The following FGFRL1 variants were observed in gnomAD, a reference collection of about 807,000 sequenced individuals.
FGFRL1 encodes fibroblast growth factor receptor like 1.
Under a neutral mutation model 36.8 loss-of-function variants are expected in FGFRL1, and 24 were observed. The observed-to-expected ratio is 0.65, with a 90% CI of 0.47 to 0.92. The LOEUF (loss-of-function observed/expected upper bound fraction) is 0.92, where lower values mean the gene tolerates loss of function less well. Ranked by LOEUF, FGFRL1 falls within the 40% of genes least tolerant of loss-of-function variation. FGFRL1 has a pLI of 0.00. For missense variants in FGFRL1, 785 were observed against 753.4 expected (o/e 1.04, Z -0.49); for synonymous variants, 422 against 344.1 (o/e 1.23, Z -2.50).
At position 1,025,552 on chromosome 4, in the gene FGFRL1, G is replaced by A. The variant is rs371059354; in HGVS notation, c.*205G>A. The A allele has an allele frequency of 4.3e-4, 278 of 651,812 alleles. 3 individuals are homozygous for A. Among genetic ancestry groups the A allele is most frequent in the East Asian group, 4.0e-3 (145 of 35,936 alleles). The allele number at this position is 651,812 out of a possible 1,614,324, so 40.4% of individuals were successfully genotyped here. A position where few individuals can be genotyped will look rare whatever the true frequency, so the allele number is the denominator to read the frequency against. ...TGGATGCATGTATGCACACACATGCGCGCACACGTGCTCCCTGAAGGCACA... is the reference window on the plus strand; with the variant it reads ...TGGATGCATGTATGCACACACATGCACGCACACGTGCTCCCTGAAGGCACA... On this transcript the variant is annotated 3_prime_UTR_variant, in exon 7 of 7. Coordinates refer to ENST00000510644, the MANE Select transcript of FGFRL1 (RefSeq NM_001004356.3).
intron 2 of FGFRL1, among the ~76,000 whole-genome samples, chr4:1,020,343 G>C (rs923432639): frequency 6.6e-6 from 1 of 152,130 alleles, no homozygotes; most frequent in African/African-American, 2.4e-5. Context: ...GCCTGCGGCC[G>C]CCTCTCCGAC....
intron 2 of FGFRL1, among the ~76,000 whole-genome samples, chr4:1,017,343 G>T (rs921615625): frequency 2.0e-5 from 3 of 152,300 alleles, no homozygotes; most frequent in African/African-American, 7.2e-5. Context: ...GCCGGTCAGG[G>T]TTGGGGTTGA....
intron 2 of FGFRL1, among the ~76,000 whole-genome samples, chr4:1,013,828 C>A (rs886229157): frequency 5.3e-5 from 8 of 152,282 alleles, no homozygotes; most frequent in African/African-American, 1.9e-4. Context: ...GCAGAGCCCG[C>A]CTCTTCGTGG....
intron 2 of FGFRL1, among the ~76,000 whole-genome samples, chr4:1,021,087 G>A (rs1716151173): frequency 1.1e-5 from 1 of 95,130 alleles, no homozygotes; most frequent in African/African-American, 4.2e-5. Flanking sequence ...GCAGGGAATG[G>A]GGGTGGGGTG....
intron 2 of FGFRL1, among the ~76,000 whole-genome samples, chr4:1,014,713 C>T (rs1393805284): frequency 6.6e-6 from 1 of 152,262 alleles, no homozygotes; most frequent in African/African-American, 2.4e-5. Flanking sequence ...TCCCTCGCCC[C>T]AGGCCCTTCC....
At position 1,024,078 on chromosome 4, in the gene FGFRL1, C is replaced by T; in HGVS notation, c.695C>T (p.Ala232Val). ...TCGAACCGCGCGGGCGCCATCAACG[C>T]CACCTACAAGGTGGATGTGATCCGT... Reference protein sequence around the residue: ...RVSNRAGAINATYKVDVIQRT... With the variant: ...RVSNRAGAINVTYKVDVIQRT... Residue 232 changes from alanine (A) to valine (V), a missense_variant, in exon 5 of 7, where the codon GCC becomes GTC. Coordinates refer to ENST00000510644, the MANE Select transcript of FGFRL1 (RefSeq NM_001004356.3). 6.3e-7 allele frequency: 1 copy of T among 1,597,252 alleles called. No homozygotes were observed. Among genetic ancestry groups the T allele is most frequent in the Non-Finnish European group, 8.5e-7 (1 of 1,174,758 alleles).
chr4:1,021,765 C>A (rs572574485), intron 2 of FGFRL1, among the ~76,000 whole-genome samples: 1 of 152,290 alleles, frequency 6.6e-6, no homozygotes, highest in South Asian at 2.1e-4. Context: ...CATCCCCCTA[C>A]TGCCCTTGTC....
chr4:1,021,423 C>T (rs148569571), intron 2 of FGFRL1, among the ~76,000 whole-genome samples: 27 of 152,176 alleles, frequency 1.8e-4, no homozygotes, highest in East Asian at 3.9e-4. Context: ...GCCCGAGCTA[C>T]GTCTCTCCAG....
Position 1,025,645 on chromosome 4 carries a change from A to G in FGFRL1, c.*298A>G, listed in dbSNP as rs561393016. ...ACAGATAAGCTGCCCAAATGCACGC[A>G]CACGCACAGAGACATGCCAGAACAT... On this transcript the variant is annotated 3_prime_UTR_variant, in exon 7 of 7. Coordinates refer to ENST00000510644, the MANE Select transcript of FGFRL1 (RefSeq NM_001004356.3). The G allele has an allele frequency of 4.3e-5, 22 of 510,908 alleles. No individual in the cohort carries two copies. In the East Asian group the frequency reaches 6.7e-4, roughly 16 times the overall value. The allele number at this position is 510,908 out of a possible 1,614,324, so 31.6% of individuals were successfully genotyped here.
chr4:1,017,627 G>A (rs913214185), intron 2 of FGFRL1, among the ~76,000 whole-genome samples: 1 of 152,216 alleles, frequency 6.6e-6, no homozygotes, highest in African/African-American at 2.4e-5. Context: ...GGTGCAGGGT[G>A]CACTGGAAAG....
rs564179880 is a variant in FGFRL1, at chr4:1,023,299, C to T, written c.353-342C>T. 1.3e-5 allele frequency among the ~76,000 whole-genome samples: 2 copies of T among 152,020 alleles called. No homozygotes were observed. The highest frequency in any genetic ancestry group is 4.8e-5 in the African/African-American group (2 of 41,476). On this transcript the variant is annotated intron_variant, in intron 3 of 6. Coordinates refer to ENST00000510644, the MANE Select transcript of FGFRL1 (RefSeq NM_001004356.3). The surrounding 1 kb of genome is among the most constrained non-coding windows in gnomAD (Gnocchi z 6.0). ...GGGTGGTATGAGAGTCTCGTCTGTTCACCAGCCCTCGGCCCCTTGATGTAG... is the reference window on the plus strand; with the variant it reads ...GGGTGGTATGAGAGTCTCGTCTGTTTACCAGCCCTCGGCCCCTTGATGTAG...
rs774577735 is a variant in FGFRL1 at position 1,023,755 on chromosome 4, G to A, written c.433+34G>A. ...GGGGTGACGGGGGTGGGGGGCGTCC[G>A]TCTGTCCCGGCCCCTTGGCTGCATC... On this transcript the variant is annotated intron_variant, in intron 4 of 6. Transcript: ENST00000510644. This position sits in a 1 kb window ranked among gnomAD's most constrained non-coding sequence, Gnocchi z 6.0. 1.7e-5 allele frequency: 27 copies of A among 1,550,252 alleles called. No individual in the cohort carries two copies. The highest frequency in any genetic ancestry group is 5.7e-5 in the Admixed American group (3 of 52,332).
chr4:1,024,748 C>T (rs1716411072), intron 6 of FGFRL1, 84 bp downstream of exon 6: 1 of 1,443,630 alleles, frequency 6.9e-7, no homozygotes, highest in African/African-American at 1.4e-5. Flanking sequence ...CGGGTGGGGC[C>T]CCACCCTTCC....
Position 1,023,613 on chromosome 4 carries a change from C to T in FGFRL1, c.353-28C>T, listed in dbSNP as rs775789603. 3.2e-6 allele frequency: 5 copies of T among 1,573,446 alleles called. No individual in the cohort carries two copies. The highest frequency in any genetic ancestry group is 1.8e-5 in the Admixed American group (1 of 54,206). On this transcript the variant is annotated intron_variant, in intron 3 of 6. Transcript: ENST00000510644. The surrounding 1 kb of genome is among the most constrained non-coding windows in gnomAD (Gnocchi z 6.0). Reference sequence around the variant, plus strand: ...CTCCTCAGGGCCCCCCTCACCTGCCCTCCCTGTGCACCTCCGTCTCTCTGC... The same window carrying T: ...CTCCTCAGGGCCCCCCTCACCTGCCTTCCCTGTGCACCTCCGTCTCTCTGC...
rs749511854 is a variant in FGFRL1, at chr4:1,025,268, A to C, written c.1436A>C (p.His479Pro). Residue 479 changes from histidine (H) to proline (P), a missense_variant, in exon 7 of 7, where the codon CAC (histidine) becomes CCC (proline). Coordinates refer to ENST00000510644, the MANE Select transcript of FGFRL1 (RefSeq NM_001004356.3). ...KLYPKLYTDI[H>P]THTHTHSHTH... ...TACCCCAAACTCTACACAGACATCC[A>C]CACACACACACACACACACTCTCAC... is the stretch of plus-strand genomic sequence containing the variant. 25 of 596,398 alleles carry C rather than the reference A, an allele frequency of 4.2e-5. No homozygotes were observed. The highest frequency in any genetic ancestry group is 5.7e-5 in the Non-Finnish European group (24 of 418,808). The allele number at this position is 596,398 out of a possible 1,614,324, so 36.9% of individuals were successfully genotyped here.
Position 1,025,266 on chromosome 4 carries a change from C to CCACACA in FGFRL1, c.1450_1455dup (p.Thr484_His485dup), listed in dbSNP as rs145808953. ...TGTACCCCAAACTCTACACAGACAT[C>CCACACA]CACACACACACACACACACACTCTC... On this transcript the variant is annotated inframe_insertion, in exon 7 of 7. Transcript: ENST00000510644. The CCACACA allele has an allele frequency of 1.3e-5, 18 of 1,438,948 alleles. No homozygotes were observed. In the South Asian group the frequency reaches 1.3e-4, roughly 11 times the overall value. 89.1% of individuals were successfully genotyped at this position (1,438,948 alleles called of 1,614,324 possible).
rs1716356935 is a variant in FGFRL1 at position 1,024,077 on chromosome 4, G to A, written c.694G>A (p.Ala232Thr). Residue 232 changes from alanine (A) to threonine (T), a missense_variant, in exon 5 of 7, where the codon GCC (alanine) becomes ACC (threonine). Coordinates refer to ENST00000510644, the MANE Select transcript of FGFRL1 (RefSeq NM_001004356.3). ...RVSNRAGAIN[A>T]TYKVDVIQRT... Reference sequence around the variant, plus strand: ...GTCGAACCGCGCGGGCGCCATCAACGCCACCTACAAGGTGGATGTGATCCG... The same window carrying A: ...GTCGAACCGCGCGGGCGCCATCAACACCACCTACAAGGTGGATGTGATCCG... 6 of 1,597,024 alleles carry A rather than the reference G, an allele frequency of 3.8e-6. No individual in the cohort carries two copies. Among genetic ancestry groups the A allele is most frequent in the African/African-American group, 1.3e-5 (1 of 74,480 alleles).
rs1476431215 is a variant in FGFRL1, at chr4:1,026,271, CACAT to C, written c.*925_*928del. 9 of 157,964 alleles carry C rather than the reference CACAT, an allele frequency of 5.7e-5. No homozygotes were observed. In the Admixed American group the frequency reaches 5.8e-4, roughly 10 times the overall value. The allele number at this position is 157,964 out of a possible 1,614,324, so 9.8% of individuals were successfully genotyped here. ...CTGCCTGGGCACACACTTCCGGACACACATGCACACACAGGTGCAGATATGCTGC... is the reference window on the plus strand; with the variant it reads ...CTGCCTGGGCACACACTTCCGGACACGCACACACAGGTGCAGATATGCTGC... On this transcript the variant is annotated 3_prime_UTR_variant, in exon 7 of 7. Coordinates refer to ENST00000510644, the MANE Select transcript of FGFRL1 (RefSeq NM_001004356.3).
intron 2 of FGFRL1, 68 bp downstream of exon 2, chr4:1,012,632 G>C (rs539798262): frequency 1.5e-6 from 1 of 684,628 alleles, no homozygotes; most frequent in South Asian, 2.6e-5. Context: ...GCCCGGCCCT[G>C]AACCCTGCCA....
Sources: gnomAD v4.1 joint callset for allele counts (sites outside exome capture counted in the v4.1 genomes callset) on GRCh38, gnomAD v4.1.1 for gene constraint, Gnocchi (gnomAD v3.1) non-coding constraint, MANE v1.5 for transcripts, NCBI Gene and HGNC (gene_info 2026-07-23, HGNC 2026-07-21) for gene names.